The following CAMK1G variants were observed in gnomAD, a reference collection of about 807,000 sequenced individuals.
The protein encoded by CAMK1G is calcium/calmodulin dependent protein kinase IG, also known as calcium/calmodulin-dependent protein kinase type 1G.
In CAMK1G, 27 loss-of-function variants were observed where a neutral mutation model predicts 54.8. The ratio of observed to expected loss-of-function variants is 0.49; its 90% CI spans 0.36 to 0.68. The LOEUF is 0.68. Ranked by LOEUF, CAMK1G falls within the 30% of genes least tolerant of loss-of-function variation. The probability of loss-of-function intolerance (pLI) is 0.00; values close to 1 mark genes in which losing one functional copy is unlikely to be tolerated. For synonymous variants in CAMK1G, 238 were observed against 224.9 expected (o/e 1.06, Z -0.52); for missense variants, 512 against 591.0 (o/e 0.87, Z 1.39).
chr1:209,612,232 C>CAAAG lies in CAMK1G; in HGVS notation c.1340+18_1340+21dup. On this transcript the variant is annotated intron_variant, in intron 11 of 12. Transcript: ENST00000361322. ...ACAAAAAACAGTACGTATTTTTAGC[C>CAAAG]AAAGATGGAGCCCCAGCTTGGGTCT... is the stretch of plus-strand genomic sequence containing the variant. The CAAAG allele has an allele frequency of 1.2e-6, 2 of 1,608,938 alleles. No homozygotes were observed. The highest frequency in any genetic ancestry group is 1.7e-6 in the Non-Finnish European group (2 of 1,176,102).
At chr1:209,602,354 C>G (rs553349797) in intron 3 of CAMK1G, among the ~76,000 whole-genome samples, 2 of 152,292 alleles carry the variant, frequency 1.3e-5, no homozygotes, top group Admixed American at 1.3e-4. Context: ...GAATCACCAT[C>G]TAAGTCATCC....
intron 9 of CAMK1G, among the ~76,000 whole-genome samples, chr1:209,610,178 T>C (rs904936142): frequency 7.9e-5 from 12 of 152,178 alleles, no homozygotes; most frequent in Admixed American, 7.9e-4. Flanking sequence ...AGCCGAGCGC[T>C]GTCATTCAGC....
At position 209,594,943 on chromosome 1, in the gene CAMK1G, C is replaced by T. The variant is rs763744577; in HGVS notation, c.-29-12C>T. The T allele has an allele frequency of 5.9e-5, 93 of 1,565,350 alleles. No individual in the cohort carries two copies. The highest frequency in any genetic ancestry group is 8.1e-5 in the Non-Finnish European group (93 of 1,141,848). Reference sequence around the variant, plus strand: ...CTTTTTTCTCCTCCTTCTCCCACTCCCTGCAATAAAGCATCCTCAGAAGCT... The same window carrying T: ...CTTTTTTCTCCTCCTTCTCCCACTCTCTGCAATAAAGCATCCTCAGAAGCT... On this transcript the variant is annotated splice_polypyrimidine_tract_variant and intron_variant, in intron 1 of 12. Coordinates refer to ENST00000361322, the MANE Select transcript of CAMK1G (RefSeq NM_020439.3).
In CAMK1G at chr1:209,609,986, C is replaced by T; in HGVS notation, c.827+57C>T. The T allele has an allele frequency of 2.2e-6, 3 of 1,346,374 alleles. No individual in the cohort carries two copies. In the South Asian group the frequency reaches 3.5e-5, roughly 16 times the overall value. The allele number at this position is 1,346,374 out of a possible 1,614,324, so 83.4% of individuals were successfully genotyped here. A position where few individuals can be genotyped will look rare whatever the true frequency, so the allele number is the denominator to read the frequency against. On this transcript the variant is annotated intron_variant, in intron 9 of 12. Transcript: ENST00000361322. The stretch of plus-strand genomic sequence containing the variant: ...CAGCCCTGTAGTTCCCAAAACCATG[C>T]TGACTCATTCATATTGCATTTCCCT...
intron 1 of CAMK1G, among the ~76,000 whole-genome samples, chr1:209,586,015 G>A (rs1665091815): frequency 1.3e-5 from 2 of 152,258 alleles, no homozygotes; most frequent in Non-Finnish European, 2.9e-5. Context: ...ATCCAGGATT[G>A]TCAAACCCAT....
chr1:209,609,533 G>A (rs1665729232), intron 8 of CAMK1G, among the ~76,000 whole-genome samples: 1 of 152,220 alleles, frequency 6.6e-6, no homozygotes, highest in Admixed American at 6.5e-5. Context: ...TCACATGCGT[G>A]CCCATGTGCC....
At chr1:209,585,353 G>A (rs991351562) in intron 1 of CAMK1G, among the ~76,000 whole-genome samples, 1 of 152,200 alleles carries the variant, frequency 6.6e-6, no homozygotes, top group African/African-American at 2.4e-5. Flanking sequence ...TCAGTCAGAC[G>A]TTAGGATTGC....
At chr1:209,600,242 C>A in intron 3 of CAMK1G, 131 bp downstream of exon 3, 1 of 1,084,460 alleles carries the variant, frequency 9.2e-7, no homozygotes, top group Non-Finnish European at 1.3e-6. Flanking sequence ...GTTGATGGGT[C>A]AGTTCAGTCA....
intron 1 of CAMK1G, among the ~76,000 whole-genome samples, chr1:209,593,990 C>T (rs970291361): frequency 1.1e-4 from 17 of 152,336 alleles, no homozygotes; most frequent in African/African-American, 4.1e-4. Flanking sequence ...CCCCTTCAGG[C>T]TCTGGAGCAC....
intron 7 of CAMK1G, among the ~76,000 whole-genome samples, chr1:209,608,588 A>G (rs555660884): frequency 6.6e-6 from 1 of 152,350 alleles, no homozygotes; most frequent in South Asian, 2.1e-4. Flanking sequence ...TCCCTGTGCT[A>G]GGTTCTAAAG....
intron 1 of CAMK1G, among the ~76,000 whole-genome samples, chr1:209,593,226 G>A (rs1164793636): frequency 6.6e-6 from 1 of 152,194 alleles, no homozygotes; most frequent in Non-Finnish European, 1.5e-5. Context: ...TTCACTTAAT[G>A]CTGAATTGTA....
At position 209,598,594 on chromosome 1, in the gene CAMK1G, A is replaced by G. The variant is rs374616927; in HGVS notation, c.93-1389A>G. Among the ~76,000 whole-genome samples the G allele has an allele frequency of 9.2e-5, 14 of 152,300 alleles. 1 individual carries two copies. Among genetic ancestry groups the G allele is most frequent in the African/African-American group, 3.4e-4 (14 of 41,572 alleles). ...GAAATAACACCTGCCTAGCCCCTGA[A>G]TCTGTGGTGGCATCTTTTTCTTCCA... is the stretch of plus-strand genomic sequence containing the variant. On this transcript the variant is annotated intron_variant, in intron 2 of 12. Transcript: ENST00000361322.
chr1:209,606,704 C>T (rs193260326), intron 6 of CAMK1G, among the ~76,000 whole-genome samples: 344 of 152,272 alleles, frequency 2.3e-3, no homozygotes, highest in African/African-American at 7.4e-3. Flanking sequence ...CTCATTTCTG[C>T]GGATAGACTT....
chr1:209,612,429 C>T (rs1455761626), intron 11 of CAMK1G, among the ~76,000 whole-genome samples: 1 of 152,200 alleles, frequency 6.6e-6, no homozygotes, highest in Non-Finnish European at 1.5e-5. Context: ...GTCTCTGCTT[C>T]TATTTTGCTC....
At chr1:209,605,135 C>A (rs1005264002) in intron 4 of CAMK1G, among the ~76,000 whole-genome samples, 3 of 152,156 alleles carry the variant, frequency 2.0e-5, no homozygotes, top group African/African-American at 7.2e-5. Context: ...ACTTGCATGC[C>A]TTCTCTTTCC....
chr1:209,596,655 C>A (rs1472890570), intron 2 of CAMK1G, among the ~76,000 whole-genome samples: 1 of 130,782 alleles, frequency 7.6e-6, no homozygotes, highest in Non-Finnish European at 1.6e-5. Context: ...TTACATCACA[C>A]ACACACCACA....
At chr1:209,592,194 A>G (rs1665271890) in intron 1 of CAMK1G, among the ~76,000 whole-genome samples, 1 of 151,854 alleles carries the variant, frequency 6.6e-6, no homozygotes, top group African/African-American at 2.4e-5. Flanking sequence ...AAAAAAAATT[A>G]ATATTTGGCA....
chr1:209,603,127 C>T, intron 3 of CAMK1G, 87 bp from the exon 4 acceptor site: 1 of 1,301,502 alleles, frequency 7.7e-7, no homozygotes, highest in East Asian at 2.4e-5. Context: ...TCAAAAGCCT[C>T]CAACAGAAAC....
chr1:209,610,033 A>G (rs1665743922), intron 9 of CAMK1G, 104 bp downstream of exon 9: 1 of 924,600 alleles, frequency 1.1e-6, no homozygotes, highest in South Asian at 1.4e-5. Flanking sequence ...GTCCTGATCC[A>G]TTTAATGATG....
Sources: allele counts gnomAD v4.1 joint callset (sites outside exome capture counted in the v4.1 genomes callset), GRCh38; gene constraint gnomAD v4.1.1; transcripts MANE v1.5; gene names NCBI Gene and HGNC (gene_info 2026-07-23, HGNC 2026-07-21).